The following CAMTA1 variants were observed in gnomAD, a reference collection of about 807,000 sequenced individuals.
The protein encoded by CAMTA1 is calmodulin-binding transcription activator 1.
In CAMTA1, 27 loss-of-function variants were observed where a neutral mutation model predicts 170.9. That is an observed-to-expected ratio of 0.16 (90% CI 0.12 to 0.22). The LOEUF (loss-of-function observed/expected upper bound fraction) is 0.22, where lower values mean the gene tolerates loss of function less well. Among genes scored for constraint, CAMTA1 ranks in the 10% least tolerant of loss-of-function variants. CAMTA1 has a pLI of 1.00. For missense variants in CAMTA1, 1,619 were observed against 2,217.2 expected (o/e 0.73, Z 5.42); for synonymous variants, 833 against 891.5 (o/e 0.93, Z 1.17).
chr1:6,888,360 G>A (rs1308069357), intron 3 of CAMTA1, among the ~76,000 whole-genome samples: 4 of 152,240 alleles, frequency 2.6e-5, no homozygotes, highest in Non-Finnish European at 5.9e-5. Context: ...GGTGCTGTGA[G>A]AAGCTGGAGC....
intron 3 of CAMTA1, among the ~76,000 whole-genome samples, chr1:6,906,907 T>C (rs1215003404): frequency 6.6e-6 from 1 of 152,214 alleles, no homozygotes; most frequent in Non-Finnish European, 1.5e-5. Flanking sequence ...GCCTTAGCCA[T>C]GTGGGCAACT....
At chr1:7,422,990 G>T (rs2091662260) in intron 5 of CAMTA1, among the ~76,000 whole-genome samples, 1 of 152,012 alleles carries the variant, frequency 6.6e-6, no homozygotes, top group Admixed American at 6.5e-5. Flanking sequence ...TAATGGCAGT[G>T]CCATTTAAGT....
chr1:7,061,290 G>A (rs542583818), intron 3 of CAMTA1, among the ~76,000 whole-genome samples: 2 of 152,300 alleles, frequency 1.3e-5, no homozygotes, highest in South Asian at 2.1e-4. Context: ...ACCCTTGAGG[G>A]GTGCCCTGTA....
At chr1:6,832,417 T>G (rs1331804780) in intron 3 of CAMTA1, among the ~76,000 whole-genome samples, 2 of 152,244 alleles carry the variant, frequency 1.3e-5, no homozygotes, top group Admixed American at 6.5e-5. Context: ...TTTTTTGGTG[T>G]CGATACATAA....
At chr1:7,227,743 G>A (rs1390360949) in intron 4 of CAMTA1, among the ~76,000 whole-genome samples, 1 of 152,226 alleles carries the variant, frequency 6.6e-6, no homozygotes, top group Non-Finnish European at 1.5e-5. Context: ...GCATCCTGAG[G>A]AGTGACCAGT....
At chr1:7,028,337 G>C (rs1284134484) in intron 3 of CAMTA1, among the ~76,000 whole-genome samples, 3 of 152,226 alleles carry the variant, frequency 2.0e-5, no homozygotes, top group Non-Finnish European at 4.4e-5. Flanking sequence ...GTGTCAGTGA[G>C]TCTCTGCGTG....
At chr1:7,121,876 A>G (rs1644663479) in intron 4 of CAMTA1, among the ~76,000 whole-genome samples, 1 of 151,972 alleles carries the variant, frequency 6.6e-6, no homozygotes, top group African/African-American at 2.4e-5. Flanking sequence ...TCTTATGGGC[A>G]TCTGGCAGGG....
At chr1:7,593,489 CTTT>C (rs35614673) in intron 6 of CAMTA1, among the ~76,000 whole-genome samples, 2 of 134,174 alleles carry the variant, frequency 1.5e-5, no homozygotes, top group Non-Finnish European at 3.2e-5. Flanking sequence ...AATCCTAGCA[CTTT>C]TTTTTTTTTT....
chr1:7,375,896 G>A (rs1460140941), intron 5 of CAMTA1, among the ~76,000 whole-genome samples: 2 of 152,198 alleles, frequency 1.3e-5, no homozygotes, highest in Non-Finnish European at 2.9e-5. Flanking sequence ...GGCAGGGAGA[G>A]GTACCCTGTA....
intron 1 of CAMTA1, among the ~76,000 whole-genome samples, chr1:6,789,362 T>G (rs971993037): frequency 2.6e-5 from 4 of 152,216 alleles, no homozygotes; most frequent in African/African-American, 9.6e-5. Flanking sequence ...CTGTTTATGC[T>G]GGATGTCCGC....
intron 5 of CAMTA1, among the ~76,000 whole-genome samples, chr1:7,302,483 G>A (rs996830715): frequency 1.3e-5 from 2 of 152,132 alleles, no homozygotes; most frequent in Admixed American, 6.6e-5. Context: ...GGGCTGCCAC[G>A]GTGGCTGTCA....
intron 4 of CAMTA1, among the ~76,000 whole-genome samples, chr1:7,174,696 C>T (rs562377027): frequency 6.6e-4 from 100 of 152,280 alleles, no homozygotes; most frequent in African/African-American, 2.2e-3. Flanking sequence ...CCTCCAGTCA[C>T]GAGAGGCCGT....
intron 5 of CAMTA1, among the ~76,000 whole-genome samples, chr1:7,402,342 C>G (rs1244347147): frequency 6.6e-6 from 1 of 152,176 alleles, no homozygotes; most frequent in Non-Finnish European, 1.5e-5. Flanking sequence ...TCTCCCCTCA[C>G]CTTTCTATTT....
At chr1:6,814,155 A>G (rs1289434876) in intron 1 of CAMTA1, among the ~76,000 whole-genome samples, 1 of 152,110 alleles carries the variant, frequency 6.6e-6, no homozygotes, top group African/African-American at 2.4e-5. Context: ...AACCTCCTAG[A>G]TTGGTTTTAG....
At chr1:6,924,454 G>C (rs1374284042) in intron 3 of CAMTA1, among the ~76,000 whole-genome samples, 1 of 152,180 alleles carries the variant, frequency 6.6e-6, no homozygotes, top group Non-Finnish European at 1.5e-5. Flanking sequence ...AGCTGGGGCT[G>C]AGGGCTCCAC....
At chr1:7,758,498 C>T (rs929134811) in intron 22 of CAMTA1, among the ~76,000 whole-genome samples, 5 of 152,160 alleles carry the variant, frequency 3.3e-5, no homozygotes, top group Admixed American at 6.5e-5. Flanking sequence ...GTATGATTGC[C>T]AATAAGATCT....
At chr1:7,408,130 G>A (rs531220253) in intron 5 of CAMTA1, among the ~76,000 whole-genome samples, 1 of 152,218 alleles carries the variant, frequency 6.6e-6, no homozygotes, top group African/African-American at 2.4e-5. Flanking sequence ...AGCTCATGGT[G>A]GTCCTCTGGC....
intron 5 of CAMTA1, among the ~76,000 whole-genome samples, chr1:7,250,061 C>T (rs570144529): frequency 2.5e-4 from 38 of 152,212 alleles, no homozygotes; most frequent in Non-Finnish European, 3.7e-4. Context: ...CCCCCTCCAC[C>T]GACAAACCCT....
At chr1:7,566,871 G>A (rs2095049610) in intron 6 of CAMTA1, among the ~76,000 whole-genome samples, 1 of 152,182 alleles carries the variant, frequency 6.6e-6, no homozygotes, top group African/African-American at 2.4e-5. Flanking sequence ...CCAGACTCCC[G>A]AGCACCCCCT....
Sources: gnomAD v4.1 joint callset for allele counts (sites outside exome capture counted in the v4.1 genomes callset) on GRCh38, gnomAD v4.1.1 for gene constraint, MANE v1.5 for transcripts, NCBI Gene and HGNC (gene_info 2026-07-23, HGNC 2026-07-21) for gene names.